The following OSBP2 variants were observed in gnomAD, a reference collection of about 807,000 sequenced individuals.
The protein encoded by OSBP2 is oxysterol binding protein 2.
In OSBP2, 66 loss-of-function variants were observed where a neutral mutation model predicts 96.0. The ratio of observed to expected loss-of-function variants is 0.69; its 90% confidence interval spans 0.56 to 0.84. The LOEUF (loss-of-function observed/expected upper bound fraction) is 0.84, where lower values mean the gene tolerates loss of function less well. Among genes scored for constraint, OSBP2 ranks in the 40% least tolerant of loss-of-function variants. The pLI is 0.00. For missense variants in OSBP2, 1,038 were observed against 1,222.7 expected, an observed-to-expected ratio of 0.85 and a Z score of 2.25; for synonymous variants, 525 against 520.9, an observed-to-expected ratio of 1.01 and a Z score of -0.11.
At chr22:30,851,088 G>A (rs1250440758) in intron 2 of OSBP2, among the ~76,000 whole-genome samples, 1 of 152,004 alleles carries the variant, frequency 6.6e-6, no homozygotes, top group African/African-American at 2.4e-5. Flanking sequence ...TTGAGACAGA[G>A]TCTCACTCTG....
intron 1 of OSBP2, among the ~76,000 whole-genome samples, chr22:30,696,247 A>G (rs1056850109): frequency 6.6e-6 from 1 of 152,180 alleles, no homozygotes; most frequent in Non-Finnish European, 1.5e-5. Flanking sequence ...AACTGGTTGA[A>G]AGGAGGTTAC....
intron 3 of OSBP2, among the ~76,000 whole-genome samples, chr22:30,884,521 C>G (rs2039769080): frequency 6.6e-6 from 1 of 152,222 alleles, no homozygotes; most frequent in African/African-American, 2.4e-5. Context: ...TTTCACATCT[C>G]TGGGATGAGG....
chr22:30,812,608 C>T (rs1027287527), intron 2 of OSBP2, among the ~76,000 whole-genome samples: 1 of 152,202 alleles, frequency 6.6e-6, no homozygotes, highest in African/African-American at 2.4e-5. Flanking sequence ...GCATCTTTTA[C>T]ATATGTGTGA....
intron 3 of OSBP2, among the ~76,000 whole-genome samples, chr22:30,882,546 G>A (rs1028518814): frequency 6.6e-6 from 1 of 151,584 alleles, no homozygotes. Flanking sequence ...TTGTAAGAAT[G>A]CCTGCAATGC....
In OSBP2 at chr22:30,746,373, A is replaced by G. The variant is rs977181834; in HGVS notation, c.853+5004A>G. ...CCAGAGGTTGAGGCTTCAGTGAGCC[A>G]TGATTTCACCACTGCACTTCAGCCT... is the stretch of plus-strand genomic sequence containing the variant. On this transcript the variant is annotated intron_variant, in intron 2 of 13. Coordinates refer to ENST00000332585, the MANE Select transcript of OSBP2 (RefSeq NM_030758.4). Among the ~76,000 whole-genome samples the G allele has an allele frequency of 2.0e-5, 3 of 151,958 alleles. No homozygotes were observed. The South Asian group carries it at 6.2e-4, about 31-fold the overall frequency.
intron 9 of OSBP2, 41 bp downstream of exon 9, chr22:30,893,283 T>C (rs1047758952): frequency 6.2e-6 from 10 of 1,613,392 alleles, no homozygotes; most frequent in Non-Finnish European, 8.5e-6. Flanking sequence ...ACAGAGACAT[T>C]GTGCATAAGA....
Position 30,889,627 on chromosome 22 carries a change from C to T in OSBP2, c.1614C>T (p.Ile538=), listed in dbSNP as rs1454660249. ...KNCIGRELSR[I]PMPVNFNEPL... is the part of the protein sequence containing the mutation. ...GCATCGGCCGGGAGCTCTCCAGGAT[C>T]CCCATGCCGGTGGGTGGCTCGGGCA... The change falls in exon 7 of 14, where the codon ATC becomes ATT. Residue 538 remains isoleucine, a synonymous_variant. Transcript: ENST00000332585. 4 of 1,613,940 alleles carry T rather than the reference C, an allele frequency of 2.5e-6. No individual in the cohort carries two copies. The highest frequency in any genetic ancestry group is 1.1e-5 in the South Asian group (1 of 91,086).
Position 30,871,743 on chromosome 22 carries a change from C to T in OSBP2, c.1107+1061C>T, listed in dbSNP as rs939891643. On this transcript the variant is annotated intron_variant, in intron 3 of 13. Coordinates refer to ENST00000332585, the MANE Select transcript of OSBP2 (RefSeq NM_030758.4). The surrounding 1 kb of genome is among the most constrained non-coding windows in gnomAD (Gnocchi z 4.7). Reference sequence around the variant, plus strand: ...CAAGCTCCAGGCCCCGCAAGAAATGCAAGGGCAGGGTGGGAAGATAGAGGC... The same window carrying T: ...CAAGCTCCAGGCCCCGCAAGAAATGTAAGGGCAGGGTGGGAAGATAGAGGC... 2.6e-5 allele frequency among the ~76,000 whole-genome samples: 4 copies of T among 152,224 alleles called. No homozygotes were observed. Among genetic ancestry groups the T allele is most frequent in the African/African-American group, 9.6e-5 (4 of 41,462 alleles).
At chr22:30,798,068 A>T (rs1410604219) in intron 2 of OSBP2, among the ~76,000 whole-genome samples, 1 of 152,160 alleles carries the variant, frequency 6.6e-6, no homozygotes, top group Non-Finnish European at 1.5e-5. Context: ...CTGAGTTTTA[A>T]ATTCTCCACA....
At chr22:30,754,123 T>C (rs2090112605) in intron 2 of OSBP2, among the ~76,000 whole-genome samples, 1 of 152,028 alleles carries the variant, frequency 6.6e-6, no homozygotes, top group Admixed American at 6.6e-5. Context: ...GGGGAAAAAA[T>C]AGATTTTCCT....
chr22:30,852,079 C>G (rs2147061821), intron 2 of OSBP2, among the ~76,000 whole-genome samples: 1 of 152,224 alleles, frequency 6.6e-6, no homozygotes, highest in African/African-American at 2.4e-5. Flanking sequence ...AATATTTTGT[C>G]AAGGAAATTT....
At chr22:30,790,728 G>A (rs1383792688) in intron 2 of OSBP2, among the ~76,000 whole-genome samples, 1 of 151,148 alleles carries the variant, frequency 6.6e-6, no homozygotes, top group Non-Finnish European at 1.5e-5. Flanking sequence ...AATTTACTGA[G>A]AATCCACTGA....
At chr22:30,844,713 T>C (rs2038832964) in intron 2 of OSBP2, 2 of 152,234 alleles carry the variant, frequency 1.3e-5, no homozygotes, top group South Asian at 4.1e-4. Context: ...CATTTATGTC[T>C]TAACTGGAGT....
At chr22:30,769,211 G>T (rs764802357) in intron 2 of OSBP2, among the ~76,000 whole-genome samples, 46 of 152,212 alleles carry the variant, frequency 3.0e-4, no homozygotes, top group Non-Finnish European at 5.1e-4. Context: ...CAAAATTTGG[G>T]ATTCTGGCGT....
At chr22:30,753,610 A>AGAAGTCACCTGTCCACTCCAGGC (rs2090104372) in intron 2 of OSBP2, among the ~76,000 whole-genome samples, 2 of 152,318 alleles carry the variant, frequency 1.3e-5, no homozygotes, top group Non-Finnish European at 2.9e-5. Context: ...GCCAGAGTGT[A>AGAAGTCACCTGTCCACTCCAGGC]GAAGTCACCT....
chr22:30,795,914 A>G (rs2090753962), intron 2 of OSBP2, among the ~76,000 whole-genome samples: 1 of 152,140 alleles, frequency 6.6e-6, no homozygotes, highest in African/African-American at 2.4e-5. Flanking sequence ...TGCTCCATGT[A>G]TTCATCCATT....
chr22:30,786,854 A>G (rs535154487), intron 2 of OSBP2, among the ~76,000 whole-genome samples: 6 of 152,174 alleles, frequency 3.9e-5, no homozygotes, highest in African/African-American at 1.4e-4. Context: ...GCTGGAGTGC[A>G]ATGGTGCAAT....
At chr22:30,798,133 T>C (rs1339192405) in intron 2 of OSBP2, among the ~76,000 whole-genome samples, 1 of 152,198 alleles carries the variant, frequency 6.6e-6, no homozygotes, top group African/African-American at 2.4e-5. Flanking sequence ...TCCTAGTGGG[T>C]GTAAGGTGGT....
At chr22:30,719,496 T>C (rs548554604) in intron 1 of OSBP2, among the ~76,000 whole-genome samples, 33 of 152,216 alleles carry the variant, frequency 2.2e-4, no homozygotes, top group Middle Eastern at 3.4e-3. Context: ...GGCTCACACC[T>C]GTAATCCCAG....
Sources: allele counts gnomAD v4.1 joint callset (sites outside exome capture counted in the v4.1 genomes callset), GRCh38; gene constraint gnomAD v4.1.1; non-coding constraint Gnocchi (gnomAD v3.1); transcripts MANE v1.5; gene names NCBI Gene and HGNC (gene_info 2026-07-23, HGNC 2026-07-21).